The following TTC27 variants were observed in gnomAD, a reference collection of about 807,000 sequenced individuals.
The protein encoded by TTC27 is tetratricopeptide repeat domain 27.
Under a neutral mutation model 115.9 loss-of-function variants are expected in TTC27, and 79 were observed. That is an observed-to-expected ratio of 0.68 (90% CI 0.57 to 0.82). The LOEUF (loss-of-function observed/expected upper bound fraction) is 0.82, where lower values mean the gene tolerates loss of function less well. Among genes scored for constraint, TTC27 ranks in the 40% least tolerant of loss-of-function variants. The probability of loss-of-function intolerance (pLI) is 0.00; values close to 1 mark genes in which losing one functional copy is unlikely to be tolerated. For synonymous variants in TTC27, 401 were observed against 356.0 expected (o/e 1.13, Z -1.42); for missense variants, 1,054 against 993.1 (o/e 1.06, Z -0.82).
intron 12 of TTC27, among the ~76,000 whole-genome samples, chr2:32,749,513 A>G (rs1232996928): frequency 6.6e-6 from 1 of 152,234 alleles, no homozygotes; most frequent in Non-Finnish European, 1.5e-5. Context: ...TCTTGAATAA[A>G]TGCTTCCTGT....
At chr2:32,815,151 T>A (rs1313798381) in intron 18 of TTC27, among the ~76,000 whole-genome samples, 1 of 150,326 alleles carries the variant, frequency 6.7e-6, no homozygotes, top group Admixed American at 6.7e-5. Flanking sequence ...CTCTTTGCCA[T>A]CCAGGAGTTT....
chr2:32,716,208 C>T (rs1340517308), intron 10 of TTC27, among the ~76,000 whole-genome samples: 1 of 150,970 alleles, frequency 6.6e-6, no homozygotes, highest in Non-Finnish European at 1.5e-5. Context: ...ATCAGCTCTG[C>T]ATGCCAGTAC....
intron 16 of TTC27, among the ~76,000 whole-genome samples, chr2:32,800,601 A>C (rs1014241962): frequency 6.6e-6 from 1 of 151,456 alleles, no homozygotes; most frequent in Non-Finnish European, 1.5e-5. Context: ...GGGTTCAAGC[A>C]ATTCTCCTGC....
chr2:32,738,074 C>T (rs534323492), intron 12 of TTC27, among the ~76,000 whole-genome samples: 25 of 152,186 alleles, frequency 1.6e-4, no homozygotes, highest in Non-Finnish European at 3.4e-4. Flanking sequence ...CATAAACATC[C>T]ATTCTAGCTC....
intron 9 of TTC27, among the ~76,000 whole-genome samples, chr2:32,702,420 C>T (rs562628138): frequency 5.3e-5 from 8 of 152,116 alleles, no homozygotes; most frequent in Non-Finnish European, 1.0e-4. Context: ...CATTTTGCTT[C>T]CCACTACACT....
chr2:32,671,501 C>T (rs1244053181), intron 7 of TTC27, among the ~76,000 whole-genome samples: 1 of 152,158 alleles, frequency 6.6e-6, no homozygotes, highest in African/African-American at 2.4e-5. Context: ...TATTGAAAAT[C>T]AATCCATCAT....
intron 19 of TTC27, among the ~76,000 whole-genome samples, chr2:32,819,049 G>T (rs1019559266): frequency 3.9e-5 from 6 of 152,148 alleles, no homozygotes; most frequent in African/African-American, 1.4e-4. Context: ...CCCAAAGTGG[G>T]AGCTTTGTTT....
At chr2:32,745,439 G>A (rs1225243499) in intron 12 of TTC27, among the ~76,000 whole-genome samples, 3 of 152,136 alleles carry the variant, frequency 2.0e-5, no homozygotes, top group Non-Finnish European at 4.4e-5. Context: ...TGTGCCTTCT[G>A]CCATCTCATC....
chr2:32,664,274 CTT>C, intron 5 of TTC27, 27 bp from the exon 6 acceptor site: 3 of 1,568,106 alleles, frequency 1.9e-6, no homozygotes, highest in Non-Finnish European at 2.6e-6. Flanking sequence ...CTCATCATAA[CTT>C]TTAATGTTTT....
chr2:32,736,893 A>T, intron 12 of TTC27, 77 bp downstream of exon 12: 4 of 1,520,410 alleles, frequency 2.6e-6, no homozygotes, highest in Non-Finnish European at 2.6e-6. Context: ...TTGTTTTTCA[A>T]ACCCACTTTT....
intron 10 of TTC27, among the ~76,000 whole-genome samples, chr2:32,707,223 AC>A (rs1667403326): frequency 1.3e-5 from 2 of 152,218 alleles, no homozygotes; most frequent in Non-Finnish European, 2.9e-5. Context: ...TTTGTTTCTT[AC>A]AGTTCTGGGG....
intron 12 of TTC27, among the ~76,000 whole-genome samples, chr2:32,757,500 A>G (rs1666544496): frequency 6.6e-6 from 1 of 152,142 alleles, no homozygotes; most frequent in South Asian, 2.1e-4. Context: ...CCTCACAGAT[A>G]CGGCGCCTTT....
rs552635081 is a variant in TTC27 at position 32,654,769 on chromosome 2, C to T, written c.640+4536C>T. On this transcript the variant is annotated intron_variant, in intron 5 of 19. Coordinates refer to ENST00000317907, the MANE Select transcript of TTC27 (RefSeq NM_017735.5). ...GGAGTGTAATGGCGTGATCTTGGCT[C>T]ACTGCAACCTCTGTCTCCCGGGTTC... Among the ~76,000 whole-genome samples the T allele has an allele frequency of 6.6e-5, 10 of 150,992 alleles. No homozygotes were observed. The East Asian group carries it at 2.0e-3, about 30-fold the overall frequency.
At chr2:32,728,125 C>T (rs1340158468) in intron 10 of TTC27, among the ~76,000 whole-genome samples, 1 of 150,382 alleles carries the variant, frequency 6.6e-6, no homozygotes, top group Non-Finnish European at 1.5e-5. Context: ...ACTGCAAGCT[C>T]CACCTCCCGG....
At chr2:32,754,921 G>T (rs1669163204) in intron 12 of TTC27, among the ~76,000 whole-genome samples, 1 of 151,470 alleles carries the variant, frequency 6.6e-6, no homozygotes, top group African/African-American at 2.4e-5. Context: ...GCCGGGCGGG[G>T]ATGCTCCTCA....
chr2:32,792,961 T>C (rs3769568), intron 16 of TTC27, among the ~76,000 whole-genome samples: 70,448 of 152,034 alleles, frequency 0.46, 17,240 homozygotes, highest in African/African-American at 0.62. Flanking sequence ...TCTCTGCTTG[T>C]TGCATTCCCT....
intron 10 of TTC27, among the ~76,000 whole-genome samples, chr2:32,730,078 A>T (rs1384114157): frequency 6.6e-6 from 1 of 152,176 alleles, no homozygotes; most frequent in Admixed American, 6.5e-5. Flanking sequence ...AATAGTAGTG[A>T]GGCTTCACGT....
intron 3 of TTC27, among the ~76,000 whole-genome samples, chr2:32,637,381 G>T (rs1664468774): frequency 6.6e-6 from 1 of 151,896 alleles, no homozygotes; most frequent in African/African-American, 2.4e-5. Flanking sequence ...GCCCAGGCTG[G>T]AGTGCAGTGG....
Position 32,762,628 on chromosome 2 carries a change from G to GT in TTC27, c.1680+4120dup, listed in dbSNP as rs112516132. On this transcript the variant is annotated intron_variant, in intron 13 of 19. Coordinates refer to ENST00000317907, the MANE Select transcript of TTC27 (RefSeq NM_017735.5). ...CTGTAGCAATAGTTTAGTTTTTTGG[G>GT]TTTTTTTTTTTGTTTTGTTTTTTGA... Among the ~76,000 whole-genome samples the GT allele has an allele frequency of 2.6e-3, 377 of 147,216 alleles. 1 individual carries two copies. The highest frequency in any genetic ancestry group is 6.4e-3 in the African/African-American group (257 of 40,260).
Sources: allele counts gnomAD v4.1 joint callset (sites outside exome capture counted in the v4.1 genomes callset), GRCh38; gene constraint gnomAD v4.1.1; transcripts MANE v1.5; gene names NCBI Gene and HGNC (gene_info 2026-07-23, HGNC 2026-07-21).